DERL3: variants seen among roughly 807,000 people sequenced by gnomAD.
DERL3 encodes derlin-3.
A neutral mutation model predicts 23.8 loss-of-function variants in DERL3; 20 were observed. That is an observed-to-expected ratio of 0.84 (90% CI 0.59 to 1.22). DERL3 has a LOEUF of 1.22. Among genes scored for constraint, DERL3 ranks in the 50% most tolerant of loss-of-function variants. DERL3 has a pLI of 0.00. For synonymous variants in DERL3, 145 were observed against 132.5 expected, an observed-to-expected ratio of 1.09 and a Z score of -0.65; for missense variants, 319 against 304.1, an observed-to-expected ratio of 1.05 and a Z score of -0.36.
Position 23,838,263 on chromosome 22 carries a change from T to C in DERL3, c.327+89A>G, listed in dbSNP as rs562806647. The C allele has an allele frequency of 1.3e-5, 20 of 1,551,916 alleles. No homozygotes were observed. In the South Asian group the frequency reaches 2.4e-4, roughly 18 times the overall value. On this transcript the variant is annotated intron_variant, in intron 4 of 6. Transcript: ENST00000318109. ...GCTGGAGACAGCGACTGTGTCCCTC[T>C]CTGGCATGGCTGTGTTGGCCCCAGG...
At position 23,838,983 on chromosome 22, in the gene DERL3, G is replaced by A. The variant is rs752370971; in HGVS notation, c.5C>T (p.Ala2Val). MAWQGLAAEFLQ... is the reference protein window; with the variant it reads MVWQGLAAEFLQ... ...GAACTCGGCCGCTAGTCCCTGCCAC[G>A]CCATTGAACCTTCTCAAGCACGCGT... The change falls in exon 1 of 7, where the codon GCG (alanine) becomes GTG (valine). Residue 2 changes from alanine (A) to valine (V), a missense_variant. Coordinates refer to ENST00000318109, the MANE Select transcript of DERL3 (RefSeq NM_001002862.3). 4.4e-6 allele frequency: 7 copies of A among 1,575,438 alleles called. No individual in the cohort carries two copies. Among genetic ancestry groups the A allele is most frequent in the South Asian group, 1.2e-5 (1 of 86,310 alleles).
In DERL3 at chr22:23,838,805, G is replaced by C. The variant is rs369579523; in HGVS notation, c.94-29C>G. ...TGGAACCAGGGGCCAGTCAAGAGCT[G>C]CCCGGGAGCCACGCCGTAACCATGG... On this transcript the variant is annotated intron_variant, in intron 1 of 6. Transcript: ENST00000318109. 1.7e-3 allele frequency: 2,577 copies of C among 1,551,120 alleles called. 3 individuals are homozygous for C. The highest frequency in any genetic ancestry group is 1.9e-3 in the Non-Finnish European group (2,135 of 1,146,834).
rs1568965701 is a variant in DERL3, at chr22:23,835,197, C to G, written c.*1672G>C. The G allele has an allele frequency of 3.9e-6, 5 of 1,269,334 alleles. No individual in the cohort carries two copies. Among genetic ancestry groups the G allele is most frequent in the Non-Finnish European group, 4.0e-6 (4 of 1,008,968 alleles). The allele number at this position is 1,269,334 out of a possible 1,614,324, so 78.6% of individuals were successfully genotyped here. Reference sequence around the variant, plus strand: ...CCAGGGTCCCTTCCCAGCCCTGCCTCCAAGGAGTTCATGTCCCCTCTGTTC... The same window carrying G: ...CCAGGGTCCCTTCCCAGCCCTGCCTGCAAGGAGTTCATGTCCCCTCTGTTC... On this transcript the variant is annotated 3_prime_UTR_variant, in exon 7 of 7. Coordinates refer to ENST00000318109, the MANE Select transcript of DERL3 (RefSeq NM_001002862.3).
chr22:23,837,549 A>G, intron 5 of DERL3, 110 bp downstream of exon 5: 1 of 1,137,246 alleles, frequency 8.8e-7, no homozygotes, highest in Non-Finnish European at 1.2e-6. Flanking sequence ...GGATGGAGCC[A>G]GGTGTGAGGA....
In DERL3 at chr22:23,834,966, GGGCTGTC is replaced by G. The variant is rs1408780225; in HGVS notation, c.*1896_*1902del. ...GGCCCAGTCCTGTGTGGGCACTGCT[GGGCTGTC>G]GCCAGCCTGGGTGCAGGAGGGCTGT... is the stretch of plus-strand genomic sequence containing the variant. On this transcript the variant is annotated 3_prime_UTR_variant, in exon 7 of 7. Transcript: ENST00000318109. 9 of 1,560,728 alleles carry G rather than the reference GGGCTGTC, an allele frequency of 5.8e-6. No individual in the cohort carries two copies. The highest frequency in any genetic ancestry group is 6.1e-6 in the Non-Finnish European group (7 of 1,155,828).
rs542449624 is a variant in DERL3, at chr22:23,838,936, G to T, written c.52C>A (p.Arg18=). The stretch of plus-strand genomic sequence containing the variant: ...AGGACACAGGCTGCGGTGTAAGCCC[G>T]CGTCACCGCCGGCACCTGCAGGAAC... ...AEFLQVPAVT[R]AYTAACVLTT... is the part of the protein sequence containing the mutation. The change falls in exon 1 of 7, where the codon CGG becomes AGG. Residue 18 remains arginine, a synonymous_variant. Coordinates refer to ENST00000318109, the MANE Select transcript of DERL3 (RefSeq NM_001002862.3). 1.1e-5 allele frequency: 18 copies of T among 1,580,994 alleles called. No individual in the cohort carries two copies. In the South Asian group the frequency reaches 1.8e-4, roughly 16 times the overall value.
chr22:23,836,378 G>A lies in DERL3; in HGVS notation c.*491C>T, dbSNP rs1431022436. 3.0e-6 allele frequency: 3 copies of A among 985,522 alleles called. No individual in the cohort carries two copies. The highest frequency in any genetic ancestry group is 1.2e-4 in the Admixed American group (2 of 16,272). 61.0% of individuals were successfully genotyped at this position (985,522 alleles called of 1,614,324 possible). A position where few individuals can be genotyped will look rare whatever the true frequency, so the allele number is the denominator to read the frequency against. On this transcript the variant is annotated 3_prime_UTR_variant, in exon 7 of 7. Coordinates refer to ENST00000318109, the MANE Select transcript of DERL3 (RefSeq NM_001002862.3). ...GGCACCACTGGCAGGAACATCTGTAGGCTGGTTTGGCACAACCTAGGAGAC... is the reference window on the plus strand; with the variant it reads ...GGCACCACTGGCAGGAACATCTGTAAGCTGGTTTGGCACAACCTAGGAGAC...
At position 23,835,239 on chromosome 22, in the gene DERL3, G is replaced by A. The variant is rs1376335496; in HGVS notation, c.*1630C>T. The A allele has an allele frequency of 8.6e-7, 1 of 1,168,616 alleles. No homozygotes were observed. The highest frequency in any genetic ancestry group is 4.0e-5 in the South Asian group (1 of 25,304). 72.4% of individuals were successfully genotyped at this position (1,168,616 alleles called of 1,614,324 possible). ...CCTCTGTTCTCATCTGTAATAGGGA[G>A]GTGTCCCCATTCTTCAGAATGGACA... On this transcript the variant is annotated 3_prime_UTR_variant, in exon 7 of 7. Transcript: ENST00000318109.
rs1048575613 is a variant in DERL3 at position 23,838,796 on chromosome 22, T to C, written c.94-20A>G. The C allele has an allele frequency of 1.3e-6, 2 of 1,551,160 alleles. No homozygotes were observed. On this transcript the variant is annotated intron_variant, in intron 1 of 6. Transcript: ENST00000318109. ...CAGCTGCTGTGGAACCAGGGGCCAGTCAAGAGCTGCCCGGGAGCCACGCCG... is the reference window on the plus strand; with the variant it reads ...CAGCTGCTGTGGAACCAGGGGCCAGCCAAGAGCTGCCCGGGAGCCACGCCG...
At position 23,837,126 on chromosome 22, in the gene DERL3, G is replaced by A. The variant is rs1453437694; in HGVS notation, c.552C>T (p.Phe184=). 6.2e-7 allele frequency: 1 copy of A among 1,613,892 alleles called. No individual in the cohort carries two copies. Among genetic ancestry groups the A allele is most frequent in the Non-Finnish European group, 8.5e-7 (1 of 1,179,934 alleles). ...GCTGGTTGGGGAAGACGTCCTCCAG[G>A]AAGTAGTAGATATGGCCCACCGCAA... The part of the protein sequence containing the change: ...LGIAVGHIYY[F]LEDVFPNQPG... The change falls in exon 6 of 7, where the codon TTC becomes TTT. Residue 184 remains phenylalanine, a synonymous_variant. Coordinates refer to ENST00000318109, the MANE Select transcript of DERL3 (RefSeq NM_001002862.3).
At position 23,835,553 on chromosome 22, in the gene DERL3, A is replaced by G. The variant is rs2030979625; in HGVS notation, c.*1316T>C. ...TGTTAGCATGGGACTCTTCCCAGGGAGTTTGCACTCAGGGCCTCTGCCCTC... is the reference window on the plus strand; with the variant it reads ...TGTTAGCATGGGACTCTTCCCAGGGGGTTTGCACTCAGGGCCTCTGCCCTC... On this transcript the variant is annotated 3_prime_UTR_variant, in exon 7 of 7. Coordinates refer to ENST00000318109, the MANE Select transcript of DERL3 (RefSeq NM_001002862.3). 1.0e-6 allele frequency: 1 copy of G among 985,486 alleles called. No homozygotes were observed. The highest frequency in any genetic ancestry group is 1.2e-6 in the Non-Finnish European group (1 of 829,958). The allele number at this position is 985,486 out of a possible 1,614,324, so 61.0% of individuals were successfully genotyped here. A position where few individuals can be genotyped will look rare whatever the true frequency, so the allele number is the denominator to read the frequency against.
In DERL3 at chr22:23,837,407, C is replaced by G. The variant is rs939270516; in HGVS notation, c.523+252G>C. 5 of 646,068 alleles carry G rather than the reference C, an allele frequency of 7.7e-6. No homozygotes were observed. In the African/African-American group the frequency reaches 9.2e-5, roughly 12 times the overall value. The allele number at this position is 646,068 out of a possible 1,614,324, so 40.0% of individuals were successfully genotyped here. ...GGAGTGGGAGCCATGGGGCAGGAAC[C>G]CTGACCCTCCCATCCTCACTCCCAT... On this transcript the variant is annotated intron_variant, in intron 5 of 6. Coordinates refer to ENST00000318109, the MANE Select transcript of DERL3 (RefSeq NM_001002862.3).
Position 23,836,443 on chromosome 22 carries a change from C to T in DERL3, c.*426G>A, listed in dbSNP as rs1259785425. ...CAGCAGCCGAAATCTGGTGAACTTC[C>T]CCGCTGACTGGCAGGTAGCAGAGGC... On this transcript the variant is annotated 3_prime_UTR_variant, in exon 7 of 7. Transcript: ENST00000318109. The T allele has an allele frequency of 1.0e-6, 1 of 990,348 alleles. No homozygotes were observed. The highest frequency in any genetic ancestry group is 1.7e-5 in the African/African-American group (1 of 57,424). 61.3% of individuals were successfully genotyped at this position (990,348 alleles called of 1,614,324 possible). A position where few individuals can be genotyped will look rare whatever the true frequency, so the allele number is the denominator to read the frequency against.
rs1345582480 is a variant in DERL3 at position 23,836,196 on chromosome 22, C to T, written c.*673G>A. 1 of 985,302 alleles carries T rather than the reference C, an allele frequency of 1.0e-6. No individual in the cohort carries two copies. Among genetic ancestry groups the T allele is most frequent in the Non-Finnish European group, 1.2e-6 (1 of 829,934 alleles). The allele number at this position is 985,302 out of a possible 1,614,324, so 61.0% of individuals were successfully genotyped here. ...AACTCTGCTAAGGTGAAAACTTAGG[C>T]TCTGAGGTCATAGAAAGGGCAGAAG... On this transcript the variant is annotated 3_prime_UTR_variant, in exon 7 of 7. Transcript: ENST00000318109.
At position 23,837,061 on chromosome 22, in the gene DERL3, C is replaced by CA. The variant is rs2031113648; in HGVS notation, c.614+2dup. 6.2e-7 allele frequency: 1 copy of CA among 1,613,596 alleles called. No individual in the cohort carries two copies. Among genetic ancestry groups the CA allele is most frequent in the African/African-American group, 1.3e-5 (1 of 74,876 alleles). The stretch of plus-strand genomic sequence containing the variant: ...AGAGGGAGGGAGGGCTCTCAACACT[C>CA]ACAGGAAGCCAGGGGTCTGCAGGAG... On this transcript the variant is annotated splice_region_variant and intron_variant, in intron 6 of 6. Coordinates refer to ENST00000318109, the MANE Select transcript of DERL3 (RefSeq NM_001002862.3).
intron 6 of DERL3, 24 bp downstream of exon 6, chr22:23,837,013 TGGGGATCCTTCTGAGGGTGGGGAGAGG>T: frequency 1.9e-6 from 3 of 1,571,286 alleles, no homozygotes; most frequent in Non-Finnish European, 2.6e-6. Flanking sequence ...TCCCCATCGG[TGGGGATCCTTCTGAGGGTGGGGAGAGG>T]GAGGGAGGGC....
chr22:23,835,580 A>G lies in DERL3; in HGVS notation c.*1289T>C. 1 of 985,500 alleles carries G rather than the reference A, an allele frequency of 1.0e-6. No individual in the cohort carries two copies. The highest frequency in any genetic ancestry group is 1.2e-6 in the Non-Finnish European group (1 of 829,954). 61.0% of individuals were successfully genotyped at this position (985,500 alleles called of 1,614,324 possible). A position where few individuals can be genotyped will look rare whatever the true frequency, so the allele number is the denominator to read the frequency against. ...TTTGCACTCAGGGCCTCTGCCCTCC[A>G]TCAAAGAGTGGAACTCCCCAGAGCC... On this transcript the variant is annotated 3_prime_UTR_variant, in exon 7 of 7. Coordinates refer to ENST00000318109, the MANE Select transcript of DERL3 (RefSeq NM_001002862.3).
Position 23,835,322 on chromosome 22 carries a change from G to A in DERL3, c.*1547C>T, listed in dbSNP as rs2030957934. 2.0e-6 allele frequency: 2 copies of A among 1,020,252 alleles called. No individual in the cohort carries two copies. The highest frequency in any genetic ancestry group is 2.3e-6 in the Non-Finnish European group (2 of 853,820). 63.2% of individuals were successfully genotyped at this position (1,020,252 alleles called of 1,614,324 possible). ...GCTCCAGCCTTACTGAAGAGAATGG[G>A]CACAGATCCGGGCACAGATCCCAGC... On this transcript the variant is annotated 3_prime_UTR_variant, in exon 7 of 7. Coordinates refer to ENST00000318109, the MANE Select transcript of DERL3 (RefSeq NM_001002862.3).
intron 5 of DERL3, chr22:23,837,383 G>C (rs2031153511): frequency 1.5e-6 from 1 of 661,802 alleles, no homozygotes; most frequent in Non-Finnish European, 2.6e-6. Context: ...AATAGTGGAG[G>C]AGTGGGAGCC....
Sources: allele counts gnomAD v4.1 joint callset, GRCh38; gene constraint gnomAD v4.1.1; transcripts MANE v1.5; gene names NCBI Gene and HGNC (gene_info 2026-07-23, HGNC 2026-07-21).